CTNND2: variants seen among roughly 807,000 people sequenced by gnomAD.
CTNND2 encodes catenin delta-2.
A neutral mutation model predicts 144.4 loss-of-function variants in CTNND2; 22 were observed. The observed-to-expected ratio is 0.15, with a 90% CI of 0.11 to 0.22. The LOEUF is 0.22. Among genes scored for constraint, CTNND2 ranks in the 10% least tolerant of loss-of-function variants. The probability of loss-of-function intolerance (pLI) is 1.00; values close to 1 mark genes in which losing one functional copy is unlikely to be tolerated. For missense variants in CTNND2, 1,353 were observed against 1,618.8 expected (o/e 0.84, Z 2.82); for synonymous variants, 751 against 695.6 (o/e 1.08, Z -1.25).
intron 3 of CTNND2, among the ~76,000 whole-genome samples, chr5:11,425,134 A>G (rs1321968131): frequency 6.6e-6 from 1 of 152,232 alleles, no homozygotes; most frequent in East Asian, 1.9e-4. Flanking sequence ...GAAAATTAAA[A>G]ATGATATTTT....
chr5:11,098,879 G>A, intron 14 of CTNND2, 131 bp from the exon 15 acceptor site: 1 of 757,584 alleles, frequency 1.3e-6, no homozygotes. Flanking sequence ...ACTGCACGGA[G>A]GCTATTGCAT....
chr5:11,004,067 T>G (rs1320340040), intron 18 of CTNND2, among the ~76,000 whole-genome samples: 1 of 152,212 alleles, frequency 6.6e-6, no homozygotes, highest in African/African-American at 2.4e-5. Context: ...TATGATTTAG[T>G]AGAAGAAAGT....
At chr5:11,627,611 G>C (rs1277272357) in intron 2 of CTNND2, among the ~76,000 whole-genome samples, 1 of 151,918 alleles carries the variant, frequency 6.6e-6, no homozygotes, top group Non-Finnish European at 1.5e-5. Flanking sequence ...TATTTCAAAT[G>C]ATGAGGAGTA....
intron 16 of CTNND2, among the ~76,000 whole-genome samples, chr5:11,076,017 T>C (rs1329318564): frequency 3.3e-5 from 5 of 152,252 alleles, no homozygotes; most frequent in Non-Finnish European, 5.9e-5. Flanking sequence ...CGAGTTCTTG[T>C]TATGAGCATA....
intron 1 of CTNND2, among the ~76,000 whole-genome samples, chr5:11,874,385 G>A (rs1400606751): frequency 6.6e-6 from 1 of 152,108 alleles, no homozygotes; most frequent in African/African-American, 2.4e-5. Context: ...ACATACCTAT[G>A]ATAAAGTGAA....
At chr5:11,697,820 TAGC>T (rs1391256141) in intron 2 of CTNND2, among the ~76,000 whole-genome samples, 1 of 152,146 alleles carries the variant, frequency 6.6e-6, no homozygotes, top group Non-Finnish European at 1.5e-5. Context: ...AGGACTTTCT[TAGC>T]AGGGATAATT....
Position 11,770,440 on chromosome 5 carries a change from G to A in CTNND2, c.38-38168C>T, listed in dbSNP as rs879770680. On this transcript the variant is annotated intron_variant, in intron 1 of 21. Transcript: ENST00000304623. ...AGAAGGAAGGAAGGAAGGAAGGAAGGAAGGAAGGAAGGAAGGAAGGAAGGG... is the reference window on the plus strand; with the variant it reads ...AGAAGGAAGGAAGGAAGGAAGGAAGAAAGGAAGGAAGGAAGGAAGGAAGGG... 5.9e-3 allele frequency among the ~76,000 whole-genome samples: 817 copies of A among 138,548 alleles called. 15 individuals carry two copies. Among genetic ancestry groups the A allele is most frequent in the African/African-American group, 0.02 (683 of 34,022 alleles). 90.9% of individuals were successfully genotyped at this position (138,548 alleles called of 152,430 possible).
chr5:11,151,319 T>C (rs948126936), intron 12 of CTNND2, among the ~76,000 whole-genome samples: 2 of 152,214 alleles, frequency 1.3e-5, no homozygotes, highest in African/African-American at 4.8e-5. Context: ...TGTAATGTAA[T>C]TTGGGAGGCA....
intron 5 of CTNND2, among the ~76,000 whole-genome samples, chr5:11,397,935 T>C (rs1760292420): frequency 6.6e-6 from 1 of 152,252 alleles, no homozygotes; most frequent in Non-Finnish European, 1.5e-5. Context: ...TCTTATATTC[T>C]TTTTAGATGA....
chr5:11,011,287 C>T (rs981105811), intron 18 of CTNND2, among the ~76,000 whole-genome samples: 3 of 152,300 alleles, frequency 2.0e-5, no homozygotes, highest in Non-Finnish European at 4.4e-5. Context: ...GATCTCTGCT[C>T]AATGCAGCCT....
chr5:11,200,724 G>C (rs1310906255), intron 10 of CTNND2, among the ~76,000 whole-genome samples: 1 of 151,992 alleles, frequency 6.6e-6, no homozygotes, highest in Non-Finnish European at 1.5e-5. Context: ...TGTCACCCAG[G>C]CTGGAGTGCA....
chr5:11,426,352 C>T (rs937846678), intron 3 of CTNND2, among the ~76,000 whole-genome samples: 4 of 152,192 alleles, frequency 2.6e-5, no homozygotes, highest in East Asian at 1.9e-4. Flanking sequence ...GCTGGCTTCA[C>T]GGGCCTGAGA....
At chr5:11,349,861 C>T (rs1488518909) in intron 8 of CTNND2, among the ~76,000 whole-genome samples, 1 of 152,168 alleles carries the variant, frequency 6.6e-6, no homozygotes, top group Non-Finnish European at 1.5e-5. Flanking sequence ...AACTAATCTA[C>T]ACTATTTCTC....
chr5:11,097,656 A>G (rs2149664482), intron 15 of CTNND2, among the ~76,000 whole-genome samples: 1 of 152,288 alleles, frequency 6.6e-6, no homozygotes, highest in Non-Finnish European at 1.5e-5. Context: ...CATAATGTTG[A>G]GGCCAGGGTG....
At chr5:11,567,460 A>G (rs1777207964) in intron 2 of CTNND2, among the ~76,000 whole-genome samples, 1 of 152,026 alleles carries the variant, frequency 6.6e-6, no homozygotes, top group South Asian at 2.1e-4. Flanking sequence ...CCTTTCCTTC[A>G]ATGACTCCAA....
intron 16 of CTNND2, among the ~76,000 whole-genome samples, chr5:11,026,356 C>CTT (rs67196223): frequency 0.18 from 21,483 of 116,770 alleles, 2,262 homozygotes; most frequent in Non-Finnish European, 0.21. Flanking sequence ...CCTTCTTCTT[C>CTT]TTTTTTTTTT....
chr5:11,584,400 T>C (rs1263659888), intron 2 of CTNND2, among the ~76,000 whole-genome samples: 1 of 129,992 alleles, frequency 7.7e-6, no homozygotes, highest in Non-Finnish European at 1.6e-5. Flanking sequence ...TTTTGTTCTA[T>C]ATATACATAT....
At chr5:11,714,783 C>A (rs1170106491) in intron 2 of CTNND2, among the ~76,000 whole-genome samples, 1 of 151,748 alleles carries the variant, frequency 6.6e-6, no homozygotes, top group Non-Finnish European at 1.5e-5. Context: ...GTGGCAGGTG[C>A]CTGTAGTCCC....
chr5:11,497,847 T>TA (rs1770129698), intron 3 of CTNND2, among the ~76,000 whole-genome samples: 1 of 152,132 alleles, frequency 6.6e-6, no homozygotes, highest in Admixed American at 6.6e-5. Flanking sequence ...TGCCATGGAA[T>TA]AGGCTTTGTG....
Sources: gnomAD v4.1 joint callset for allele counts (sites outside exome capture counted in the v4.1 genomes callset) on GRCh38, gnomAD v4.1.1 for gene constraint, MANE v1.5 for transcripts, NCBI Gene and HGNC (gene_info 2026-07-23, HGNC 2026-07-21) for gene names.